Variants in EPS15 observed in about 807,000 individuals in gnomAD.
EPS15 encodes the protein epidermal growth factor receptor substrate 15.
Under a neutral mutation model 113.8 loss-of-function variants are expected in EPS15, and 72 were observed. The observed-to-expected ratio is 0.63, with a 90% CI of 0.52 to 0.77. EPS15 has a LOEUF of 0.77. Ranked by LOEUF, EPS15 falls within the 30% of genes least tolerant of loss-of-function variation. The probability of loss-of-function intolerance (pLI) is 0.00; values close to 1 mark genes in which losing one functional copy is unlikely to be tolerated. For missense variants in EPS15, 1,048 were observed against 1,045.8 expected (o/e 1.00, Z -0.03); for synonymous variants, 344 against 363.4 (o/e 0.95, Z 0.61).
chr1:51,363,836 T>G (rs781355645), intron 23 of EPS15, 30 bp downstream of exon 23: 1 of 1,587,872 alleles, frequency 6.3e-7, no homozygotes, highest in Admixed American at 1.8e-5. Context: ...AGCCATGCAG[T>G]TGACTGAAGA....
intron 15 of EPS15, 93 bp downstream of exon 15, chr1:51,408,042 C>T (rs765197270): frequency 1.4e-4 from 153 of 1,067,764 alleles, no homozygotes; most frequent in Non-Finnish European, 1.9e-4. Context: ...GTAAACTAGG[C>T]AAGAGGTTGA....
At chr1:51,500,715 T>G (rs978197650) in intron 1 of EPS15, among the ~76,000 whole-genome samples, 16 of 152,130 alleles carry the variant, frequency 1.1e-4, no homozygotes, top group Admixed American at 5.9e-4. Context: ...TCGGGTGCAG[T>G]GGCTCACGTC....
At chr1:51,476,913 CTCTT>C (rs1643918082) in intron 2 of EPS15, among the ~76,000 whole-genome samples, 1 of 152,070 alleles carries the variant, frequency 6.6e-6, no homozygotes, top group African/African-American at 2.4e-5. Context: ...GTCTAAAATT[CTCTT>C]TTTTTGTTGT....
intron 8 of EPS15, chr1:51,457,607 T>C (rs1443188411): frequency 1.3e-5 from 2 of 150,314 alleles, no homozygotes; most frequent in African/African-American, 4.9e-5. Context: ...TTATGTTTCA[T>C]ATAAACTTTA....
chr1:51,516,904 C>A (rs1202134253), intron 1 of EPS15, among the ~76,000 whole-genome samples: 1 of 152,124 alleles, frequency 6.6e-6, no homozygotes, highest in Non-Finnish European at 1.5e-5. Context: ...TAAAAGATGT[C>A]CCTGCCCTGA....
intron 1 of EPS15, among the ~76,000 whole-genome samples, chr1:51,514,614 G>A (rs1557543149): frequency 6.6e-6 from 1 of 152,166 alleles, no homozygotes; most frequent in Non-Finnish European, 1.5e-5. Context: ...TCTGAACTAT[G>A]ATTCGTTGCT....
chr1:51,391,414 T>G (rs1355134060), intron 21 of EPS15, among the ~76,000 whole-genome samples: 1 of 151,620 alleles, frequency 6.6e-6, no homozygotes, highest in African/African-American at 2.4e-5. Flanking sequence ...TGTATACATA[T>G]GTAACTAACC....
At chr1:51,507,566 C>T (rs982534025) in intron 1 of EPS15, among the ~76,000 whole-genome samples, 1 of 151,708 alleles carries the variant, frequency 6.6e-6, no homozygotes, top group African/African-American at 2.4e-5. Context: ...GATACTGAGG[C>T]AGGAGAACTG....
At chr1:51,408,377 A>G in intron 14 of EPS15, 45 bp from the exon 15 acceptor site, 1 of 1,405,274 alleles carries the variant, frequency 7.1e-7, no homozygotes, top group Non-Finnish European at 1.0e-6. Flanking sequence ...TTAAAAGAAG[A>G]GATGTCATTA....
chr1:51,490,960 G>A (rs1270896815), intron 1 of EPS15, among the ~76,000 whole-genome samples: 1 of 152,192 alleles, frequency 6.6e-6, no homozygotes, highest in African/African-American at 2.4e-5. Context: ...AAAATTGGAT[G>A]AAGGGTGCAT....
intron 4 of EPS15, among the ~76,000 whole-genome samples, 177 bp from the exon 5 acceptor site, chr1:51,468,745 A>C (rs2148508412): frequency 6.6e-6 from 1 of 152,352 alleles, no homozygotes. Context: ...ATGTAGAAAG[A>C]TGTTCCTAGT....
At chr1:51,473,009 T>C (rs1229745004) in intron 2 of EPS15, 61 bp from the exon 3 acceptor site, 1 of 1,259,850 alleles carries the variant, frequency 7.9e-7, no homozygotes, top group African/African-American at 1.5e-5. Flanking sequence ...TATCACCATT[T>C]ACCTGCCTTC....
At chr1:51,435,174 TTTTC>T (rs887976227) in intron 12 of EPS15, among the ~76,000 whole-genome samples, 16 of 152,032 alleles carry the variant, frequency 1.1e-4, no homozygotes, top group Admixed American at 5.9e-4. Context: ...TATAAAATCC[TTTTC>T]TTTTTCTTTT....
rs776749238 is a variant in EPS15 at position 51,394,404 on chromosome 1, G to A, written c.2096C>T (p.Thr699Ile). The A allele has an allele frequency of 5.6e-6, 9 of 1,601,602 alleles. No homozygotes were observed. The highest frequency in any genetic ancestry group is 7.7e-6 in the Non-Finnish European group (9 of 1,171,732). The change falls in exon 21 of 25, where the codon ACA becomes ATA. Residue 699 changes from threonine (T) to isoleucine (I), a missense_variant. Physicochemically the swap from Thr to Ile is moderately conservative, Grantham distance 89 (BLOSUM62 -1). Transcript: ENST00000371733. ...KHNDPFAPGG[T>I]VVAASDSATD... ...ACCTGAATCGCTTGCTGCAACAACT[G>A]TTCCACCAGGAGCAAAAGGATCATT...
At chr1:51,387,163 T>C (rs944578994) in intron 21 of EPS15, among the ~76,000 whole-genome samples, 1 of 152,068 alleles carries the variant, frequency 6.6e-6, no homozygotes, top group African/African-American at 2.4e-5. Context: ...GGGGCCAATG[T>C]TCAACATTCT....
At chr1:51,388,290 A>G (rs1383477649) in intron 21 of EPS15, among the ~76,000 whole-genome samples, 1 of 152,230 alleles carries the variant, frequency 6.6e-6, no homozygotes, top group Non-Finnish European at 1.5e-5. Context: ...AAGACACAAC[A>G]TACCAGAATC....
chr1:51,486,700 CAG>C (rs1644130320), intron 1 of EPS15, among the ~76,000 whole-genome samples: 1 of 151,724 alleles, frequency 6.6e-6, no homozygotes, highest in African/African-American at 2.4e-5. Context: ...TTTTTTGAGA[CAG>C]AGTTTTGCTC....
At position 51,460,467 on chromosome 1, in the gene EPS15, G is replaced by T. The variant is rs1263313371; in HGVS notation, c.561+624C>A. ...AATGTGAAATTTGGGAGATACATTT[G>T]AAGCAAAATTATTCCATATTAGAAG... On this transcript the variant is annotated intron_variant, in intron 8 of 24. Transcript: ENST00000371733. Among the ~76,000 whole-genome samples, 4 of 152,144 alleles carry T rather than the reference G, an allele frequency of 2.6e-5. No individual in the cohort carries two copies. The East Asian group carries it at 7.7e-4, about 29-fold the overall frequency.
chr1:51,497,257 T>C (rs1644340221), intron 1 of EPS15, among the ~76,000 whole-genome samples: 1 of 152,142 alleles, frequency 6.6e-6, no homozygotes, highest in African/African-American at 2.4e-5. Flanking sequence ...AACTAACTCC[T>C]CTAACCAGTC....
Sources: allele counts gnomAD v4.1 joint callset (sites outside exome capture counted in the v4.1 genomes callset), GRCh38; gene constraint gnomAD v4.1.1; transcripts MANE v1.5; gene names NCBI Gene and HGNC (gene_info 2026-07-23, HGNC 2026-07-21).